The following ANAPC2 variants were observed in gnomAD, a reference collection of about 807,000 sequenced individuals.
ANAPC2 encodes the protein anaphase promoting complex subunit 2.
Under a neutral mutation model 84.3 loss-of-function variants are expected in ANAPC2, and 29 were observed. That is an observed-to-expected ratio of 0.34 (90% CI 0.26 to 0.47). The LOEUF (loss-of-function observed/expected upper bound fraction) is 0.47, where lower values mean the gene tolerates loss of function less well. Among genes scored for constraint, ANAPC2 ranks in the 20% least tolerant of loss-of-function variants. The pLI is 1.00. For missense variants in ANAPC2, 857 were observed against 1,131.7 expected, an observed-to-expected ratio of 0.76 and a Z score of 3.48; for synonymous variants, 571 against 479.4, an observed-to-expected ratio of 1.19 and a Z score of -2.50.
chr9:137,184,823 G>A (rs1247698567), intron 4 of ANAPC2, 90 bp downstream of exon 4: 2 of 1,494,244 alleles, frequency 1.3e-6, no homozygotes, highest in Non-Finnish European at 1.8e-6. Flanking sequence ...GGCACAGGGA[G>A]CCCAGATGCA....
At position 137,175,455 on chromosome 9, in the gene ANAPC2, C is replaced by A; in HGVS notation, c.2038G>T (p.Glu680Ter). 6.3e-7 allele frequency: 1 copy of A among 1,583,612 alleles called. No homozygotes were observed. The highest frequency in any genetic ancestry group is 1.1e-5 in the South Asian group (1 of 87,722). The change falls in exon 12 of 13, where the codon GAA (glutamate) becomes TAA (stop). Residue 680 changes from glutamate (E) to a stop codon, truncating the protein, a stop_gained. Coordinates refer to ENST00000323927, the MANE Select transcript of ANAPC2 (RefSeq NM_013366.4). LOFTEE classifies it high-confidence loss of function. ...GGCATCTTCACCGCCTTGCTCAGTT[C>A]CTCCAGGGTCCAGCTGGCTGCGTGC... ...FQDQASWTLEELSKAVKMPVA... is the reference protein window; with the variant it reads ...FQDQASWTLE
Position 137,188,031 on chromosome 9 carries a change from C to T in ANAPC2, c.190G>A (p.Gly64Ser). ...ELRAAVEVLRGHGLHSVLEEW... is the reference protein window; with the variant it reads ...ELRAAVEVLRSHGLHSVLEEW... The stretch of plus-strand genomic sequence containing the variant: ...TCCAGGACCGAGTGTAGCCCGTGGC[C>T]CCTCAGAACCTCCACCGCCGCCCGG... The change falls in exon 2 of 13, where the codon GGC becomes AGC. Residue 64 changes from glycine (G) to serine (S), a missense_variant. Transcript: ENST00000323927. The T allele has an allele frequency of 6.2e-7, 1 of 1,613,768 alleles. No homozygotes were observed. The highest frequency in any genetic ancestry group is 1.1e-5 in the South Asian group (1 of 91,088).
At chr9:137,185,236 T>A in intron 3 of ANAPC2, 149 bp from the exon 4 acceptor site, 1 of 842,172 alleles carries the variant, frequency 1.2e-6, no homozygotes, top group Non-Finnish European at 1.8e-6. Flanking sequence ...CTGGAGCACA[T>A]CAAAACCTGC....
intron 10 of ANAPC2, among the ~76,000 whole-genome samples, chr9:137,178,630 G>GAGAC (rs1427202480): frequency 5.9e-5 from 9 of 152,214 alleles, no homozygotes; most frequent in Admixed American, 5.9e-4. Context: ...GCAGGCTCCA[G>GAGAC]AGACACCAGG....
intron 2 of ANAPC2, 130 bp downstream of exon 2, chr9:137,187,351 G>T: frequency 8.2e-7 from 1 of 1,214,396 alleles, no homozygotes; most frequent in Non-Finnish European, 1.1e-6. Flanking sequence ...GGAATCCCTG[G>T]GACTCTCTCT....
At chr9:137,177,837 C>T (rs944227188) in intron 10 of ANAPC2, among the ~76,000 whole-genome samples, 4 of 152,038 alleles carry the variant, frequency 2.6e-5, no homozygotes, top group South Asian at 4.1e-4. Flanking sequence ...AACAGAGACA[C>T]GGGGGAACAT....
At chr9:137,180,135 G>C (rs1230191410) in intron 10 of ANAPC2, 46 bp downstream of exon 10, 1 of 1,590,832 alleles carries the variant, frequency 6.3e-7, no homozygotes, top group South Asian at 1.1e-5. Context: ...CCGCAGTGCA[G>C]GGTAGGGGTG....
At position 137,187,566 on chromosome 9, in the gene ANAPC2, G is replaced by T. The variant is rs763609472; in HGVS notation, c.655C>A (p.Pro219Thr). Residue 219 changes from proline to threonine, a missense_variant, in exon 2 of 13, where the codon CCG becomes ACG. This residue lies in a region of ANAPC2 where 428 missense variants were observed against 513.8 expected (regional missense o/e 0.83). Transcript: ENST00000323927. ...RRRYYRLLQSPLCAGCSSDKQ... is the reference protein window; with the variant it reads ...RRRYYRLLQSTLCAGCSSDKQ... ...TCACTGCTGCACCCTGCACACAGCGGGCTCTGCAGGAGCCGGTAGTACCGG... is the reference window on the plus strand; with the variant it reads ...TCACTGCTGCACCCTGCACACAGCGTGCTCTGCAGGAGCCGGTAGTACCGG... The T allele has an allele frequency of 8.7e-5, 140 of 1,613,792 alleles. No homozygotes were observed. Among genetic ancestry groups the T allele is most frequent in the Non-Finnish European group, 1.1e-4 (131 of 1,180,046 alleles).
chr9:137,175,882 C>T, intron 10 of ANAPC2, 45 bp from the exon 11 acceptor site: 1 of 1,551,708 alleles, frequency 6.4e-7, no homozygotes, highest in Non-Finnish European at 8.7e-7. Context: ...CTGCAGGGCG[C>T]TCAGGCCCGT....
At position 137,186,250 on chromosome 9, in the gene ANAPC2, G is replaced by A. The variant is rs766767193; in HGVS notation, c.847C>T (p.Arg283Cys). Residue 283 changes from arginine to cysteine, a missense_variant, in exon 3 of 13, where the codon CGC (arginine) becomes TGC (cysteine). Transcript: ENST00000323927. ...MEDRCRGEYE[R>C]SFLREFHKWI... ...TTGTGGAACTCACGCAGGAAGGAGC[G>A]CTCGTACTCGCCCCGGCAACGGTCC... 14 of 1,612,472 alleles carry A rather than the reference G, an allele frequency of 8.7e-6. No individual in the cohort carries two copies. Among genetic ancestry groups the A allele is most frequent in the African/African-American group, 2.7e-5 (2 of 74,916 alleles).
In ANAPC2 at chr9:137,175,198, C is replaced by G. The variant is rs148909756; in HGVS notation, c.2256+39G>C. On this transcript the variant is annotated intron_variant, in intron 12 of 12. Transcript: ENST00000323927. ...CCCCGTCAGGCACCTGCAGGCCTCGCCCCCGCCCCCTGGCCCCCCGTGGGG... is the reference window on the plus strand; with the variant it reads ...CCCCGTCAGGCACCTGCAGGCCTCGGCCCCGCCCCCTGGCCCCCCGTGGGG... The G allele has an allele frequency of 1.7e-3, 2,756 of 1,604,386 alleles. 4 individuals carry two copies. The highest frequency in any genetic ancestry group is 2.1e-3 in the Non-Finnish European group (2,488 of 1,176,128).
Position 137,175,855 on chromosome 9 carries a change from C to A in ANAPC2, c.1891-18G>T. The A allele has an allele frequency of 6.3e-7, 1 of 1,589,178 alleles. No homozygotes were observed. Among genetic ancestry groups the A allele is most frequent in the South Asian group, 1.1e-5 (1 of 88,280 alleles). ...CGCATGGCCTAAGGAGGGCCAGGGTCAGCACGGGCAGCTCGGCTGCAGGGC... is the reference window on the plus strand; with the variant it reads ...CGCATGGCCTAAGGAGGGCCAGGGTAAGCACGGGCAGCTCGGCTGCAGGGC... On this transcript the variant is annotated intron_variant, in intron 10 of 12. Coordinates refer to ENST00000323927, the MANE Select transcript of ANAPC2 (RefSeq NM_013366.4).
chr9:137,177,890 C>T (rs1375921782), intron 10 of ANAPC2, among the ~76,000 whole-genome samples: 1 of 152,168 alleles, frequency 6.6e-6, no homozygotes, highest in African/African-American at 2.4e-5. Flanking sequence ...ACCCACAGGC[C>T]CCGGAGCTCC....
At chr9:137,178,152 T>C (rs1466771725) in intron 10 of ANAPC2, among the ~76,000 whole-genome samples, 1 of 151,914 alleles carries the variant, frequency 6.6e-6, no homozygotes, top group African/African-American at 2.4e-5. Flanking sequence ...GGACAGAAAA[T>C]GGAAGTGGAG....
chr9:137,177,134 G>C (rs1041443431), intron 10 of ANAPC2: 1 of 152,232 alleles, frequency 6.6e-6, no homozygotes, highest in African/African-American at 2.4e-5. Context: ...CTGGTGAGCT[G>C]CATAAGCCAA....
At chr9:137,188,149 T>TGGGGAGAGGC in intron 1 of ANAPC2, 46 bp from the exon 2 acceptor site, 1 of 1,576,878 alleles carries the variant, frequency 6.3e-7, no homozygotes, top group African/African-American at 1.4e-5. Flanking sequence ...AACATAGAGG[T>TGGGGAGAGGC]GGGGAGAGGC....
Position 137,188,089 on chromosome 9 carries a change from G to A in ANAPC2, c.132C>T (p.Thr44=). Residue 44 remains threonine (T), a synonymous_variant, in exon 2 of 13, where the codon ACC becomes ACT. Coordinates refer to ENST00000323927, the MANE Select transcript of ANAPC2 (RefSeq NM_013366.4). ...CTTCCTTTGGCGGGACTGCACCGCT[G>A]GTCCGGGAAGACACCTGGGGTGCAG... ...PAALGLVSSR[T]SGAVPPKEEE... 6.2e-7 allele frequency: 1 copy of A among 1,611,830 alleles called. No individual in the cohort carries two copies. The highest frequency in any genetic ancestry group is 2.2e-5 in the East Asian group (1 of 44,878).
rs761102143 is a variant in ANAPC2 at position 137,180,929 on chromosome 9, C to T, written c.1469G>A (p.Gly490Glu). The change falls in exon 8 of 13, where the codon GGG (glycine) becomes GAG (glutamate). Residue 490 changes from glycine to glutamate, a missense_variant and splice_region_variant. Physicochemically the swap from Gly to Glu is moderately conservative, Grantham distance 98. Around this residue, in one of 3 missense-constraint regions of ANAPC2, gnomAD observed 425 missense variants for 595.5 expected, o/e 0.71. Coordinates refer to ENST00000323927, the MANE Select transcript of ANAPC2 (RefSeq NM_013366.4). ...TGAACGCCGCTTGGAGCTCGACTTC[C>T]CTGGCATGGTGGGGGCAGGGGTGTC... Reference protein sequence around the residue: ...WVPDPVDADPGKSSSKRRSSD... With the variant: ...WVPDPVDADPEKSSSKRRSSD... 3 of 1,613,008 alleles carry T rather than the reference C, an allele frequency of 1.9e-6. No individual in the cohort carries two copies. In the South Asian group the frequency reaches 3.3e-5, roughly 18 times the overall value.
At position 137,175,230 on chromosome 9, in the gene ANAPC2, C is replaced by A. The variant is rs369056007; in HGVS notation, c.2256+7G>T. 135 of 1,610,846 alleles carry A rather than the reference C, an allele frequency of 8.4e-5. No homozygotes were observed. The highest frequency in any genetic ancestry group is 6.6e-5 in the South Asian group (6 of 90,806). Reference sequence around the variant, plus strand: ...CCCCTGGCCCCCCGTGGGGCCTGCACGCGCACCAGCAGCTCCTCCTCCTTC... The same window carrying A: ...CCCCTGGCCCCCCGTGGGGCCTGCAAGCGCACCAGCAGCTCCTCCTCCTTC... On this transcript the variant is annotated splice_region_variant and intron_variant, in intron 12 of 12. Transcript: ENST00000323927.
Sources: gnomAD v4.1 joint callset for allele counts (sites outside exome capture counted in the v4.1 genomes callset) on GRCh38, gnomAD v4.1.1 for gene constraint, gnomAD v4.1.1 regional missense constraint, MANE v1.5 for transcripts, NCBI Gene and HGNC (gene_info 2026-07-23, HGNC 2026-07-21) for gene names.